PLEKHM3: variants seen among roughly 807,000 people sequenced by gnomAD.
PLEKHM3 encodes the protein pleckstrin homology domain-containing family M member 3.
PLEKHM3 carries 45 observed loss-of-function variants against 81.8 expected under a neutral mutation model. The observed-to-expected ratio is 0.55, with a 90% CI of 0.43 to 0.71. PLEKHM3 has a LOEUF of 0.71. PLEKHM3 is among the 30% of genes least tolerant of loss of function. The pLI is 0.00. For synonymous variants in PLEKHM3, 352 were observed against 356.4 expected (o/e 0.99, Z 0.14); for missense variants, 788 against 924.3 (o/e 0.85, Z 1.91).
intron 3 of PLEKHM3, among the ~76,000 whole-genome samples, chr2:207,949,319 C>CG (rs898210517): frequency 6.6e-6 from 1 of 152,166 alleles, no homozygotes; most frequent in African/African-American, 2.4e-5. Flanking sequence ...AGGCCAAGGC[C>CG]GGTGGATTGC....
At chr2:207,901,134 A>C (rs1688412521) in intron 6 of PLEKHM3, 1 of 637,110 alleles carries the variant, frequency 1.6e-6, no homozygotes, top group Non-Finnish European at 2.8e-6. Flanking sequence ...TCACCTGGGC[A>C]ACAGGGCTCT....
chr2:207,992,590 T>A (rs1691933963), intron 2 of PLEKHM3, among the ~76,000 whole-genome samples: 1 of 152,186 alleles, frequency 6.6e-6, no homozygotes, highest in African/African-American at 2.4e-5. Context: ...GTGTTCATGC[T>A]TGGTACAGTA....
At chr2:207,923,905 A>ATATATATATTTTTT (rs1396762429) in intron 5 of PLEKHM3, among the ~76,000 whole-genome samples, 25 of 28,332 alleles carry the variant, frequency 8.8e-4, no homozygotes, top group Non-Finnish European at 1.2e-3. Flanking sequence ...ATATATATAT[A>ATATATATATTTTTT]TTTTTTTTTT....
chr2:207,935,551 C>G (rs183476189), intron 4 of PLEKHM3, among the ~76,000 whole-genome samples: 1 of 152,150 alleles, frequency 6.6e-6, no homozygotes, highest in East Asian at 1.9e-4. Flanking sequence ...CCTACTAACA[C>G]GAAAGAATTT....
chr2:207,878,853 T>C (rs2092572264), intron 6 of PLEKHM3, among the ~76,000 whole-genome samples: 1 of 152,028 alleles, frequency 6.6e-6, no homozygotes, highest in South Asian at 2.1e-4. Flanking sequence ...TATTTTTTTA[T>C]TTTTTATTGA....
chr2:207,904,337 G>C (rs1480481894), intron 6 of PLEKHM3, among the ~76,000 whole-genome samples: 1 of 152,100 alleles, frequency 6.6e-6, no homozygotes, highest in Admixed American at 6.5e-5. Flanking sequence ...ATGCTCCCTG[G>C]AGCTCCTAGG....
chr2:207,948,365 T>A (rs1690209413), intron 3 of PLEKHM3, among the ~76,000 whole-genome samples: 1 of 142,078 alleles, frequency 7.0e-6, no homozygotes. Context: ...TTTTTTTTTT[T>A]TTTTTTTTGA....
At chr2:207,851,901 A>G (rs955637060) in intron 7 of PLEKHM3, among the ~76,000 whole-genome samples, 1 of 152,068 alleles carries the variant, frequency 6.6e-6, no homozygotes, top group Non-Finnish European at 1.5e-5. Flanking sequence ...CTTCACAGGT[A>G]CCCCTTGCTG....
intron 2 of PLEKHM3, among the ~76,000 whole-genome samples, chr2:207,987,724 A>G (rs986118847): frequency 6.6e-6 from 1 of 152,108 alleles, no homozygotes; most frequent in Non-Finnish European, 1.5e-5. Context: ...GTTCTTATCA[A>G]TTCCAACCTG....
intron 7 of PLEKHM3, among the ~76,000 whole-genome samples, chr2:207,855,254 T>C (rs1309399669): frequency 6.6e-6 from 1 of 151,686 alleles, no homozygotes; most frequent in Non-Finnish European, 1.5e-5. Flanking sequence ...CCAGCAAAAA[T>C]CCCATAATGG....
intron 7 of PLEKHM3, among the ~76,000 whole-genome samples, chr2:207,829,477 AT>A (rs1192753571): frequency 1.3e-5 from 2 of 152,108 alleles, no homozygotes; most frequent in Non-Finnish European, 2.9e-5. Flanking sequence ...GGGTTTTGCC[AT>A]GTTGGCCAGG....
At chr2:207,946,631 A>G in intron 3 of PLEKHM3, 119 bp from the exon 4 acceptor site, 2 of 1,331,290 alleles carry the variant, frequency 1.5e-6, no homozygotes, top group Non-Finnish European at 1.0e-6. Context: ...AGTCTGCAAC[A>G]AAAAAGAAGT....
chr2:207,958,207 G>A (rs1266662800), intron 3 of PLEKHM3, among the ~76,000 whole-genome samples: 5 of 152,186 alleles, frequency 3.3e-5, no homozygotes, highest in Admixed American at 1.3e-4. Context: ...AATTATTTAT[G>A]CTGGTAGGTT....
At chr2:208,002,480 A>G (rs530811133) in intron 1 of PLEKHM3, among the ~76,000 whole-genome samples, 67 of 152,210 alleles carry the variant, frequency 4.4e-4, no homozygotes, top group Non-Finnish European at 1.5e-4. Context: ...AGATTATATA[A>G]TGCTTGATGA....
intron 2 of PLEKHM3, among the ~76,000 whole-genome samples, chr2:207,999,833 A>G (rs1692238210): frequency 6.6e-6 from 1 of 152,192 alleles, no homozygotes; most frequent in Admixed American, 6.5e-5. Flanking sequence ...TTACACTTAT[A>G]AGCTAATTTT....
rs988917271 is a variant in PLEKHM3 at position 208,013,521 on chromosome 2, GAA to G, written c.-318-11566_-318-11565del. 2.3e-5 allele frequency among the ~76,000 whole-genome samples: 3 copies of G among 130,080 alleles called. No individual in the cohort carries two copies. In the South Asian group the frequency reaches 7.4e-4, roughly 32 times the overall value. The allele number at this position is 130,080 out of a possible 152,430, so 85.3% of individuals were successfully genotyped here. A position where few individuals can be genotyped will look rare whatever the true frequency, so the allele number is the denominator to read the frequency against. ...ACAGAGCAAGACTCCATCTCAAAAA[GAA>G]AAAAAAAAAAAGAAATCATGCTGCT... is the stretch of plus-strand genomic sequence containing the variant. On this transcript the variant is annotated intron_variant, in intron 1 of 7. Transcript: ENST00000427836.
intron 3 of PLEKHM3, among the ~76,000 whole-genome samples, chr2:207,956,044 A>G (rs1690496420): frequency 6.6e-6 from 1 of 152,200 alleles, no homozygotes; most frequent in South Asian, 2.1e-4. Context: ...ACGTTCATTC[A>G]TAAAGGCTCA....
At chr2:207,890,721 T>A (rs1018938130) in intron 6 of PLEKHM3, among the ~76,000 whole-genome samples, 4 of 152,220 alleles carry the variant, frequency 2.6e-5, no homozygotes, top group African/African-American at 9.6e-5. Context: ...CAACATCATC[T>A]ACCAAACTCT....
chr2:207,873,526 T>A (rs1470693579), intron 6 of PLEKHM3, among the ~76,000 whole-genome samples: 1 of 152,220 alleles, frequency 6.6e-6, no homozygotes, highest in Non-Finnish European at 1.5e-5. Flanking sequence ...CAAGGGAATA[T>A]CTGCGGAGCT....
Sources: allele counts gnomAD v4.1 joint callset (sites outside exome capture counted in the v4.1 genomes callset), GRCh38; gene constraint gnomAD v4.1.1; transcripts MANE v1.5; gene names NCBI Gene and HGNC (gene_info 2026-07-23, HGNC 2026-07-21).